The following FARP1 variants were observed in gnomAD, a reference collection of about 807,000 sequenced individuals.
FARP1 encodes the protein FERM, ARH/RhoGEF and pleckstrin domain protein 1, also known as FERM, ARHGEF and pleckstrin domain-containing protein 1.
FARP1 carries 52 observed loss-of-function variants against 128.8 expected under a neutral mutation model. That is an observed-to-expected ratio of 0.40 (90% confidence interval 0.32 to 0.51). The LOEUF (loss-of-function observed/expected upper bound fraction) is 0.51, where lower values mean the gene tolerates loss of function less well. Ranked by LOEUF, FARP1 falls within the 20% of genes least tolerant of loss-of-function variation. The probability of loss-of-function intolerance (pLI) is 0.45; values close to 1 mark genes in which losing one functional copy is unlikely to be tolerated. For synonymous variants in FARP1, 580 were observed against 551.8 expected (o/e 1.05, Z -0.72); for missense variants, 1,333 against 1,367.9 (o/e 0.97, Z 0.40).
chr13:98,142,683 G>C (rs1875115393), upstream of FARP1: 2 of 152,398 alleles, frequency 1.3e-5, no homozygotes, highest in Admixed American at 1.3e-4. Context: ...AGCAGCCCCA[G>C]GCAGGACCTC....
chr13:98,342,321 C>CAAA (rs1383519312), intron 2 of FARP1, among the ~76,000 whole-genome samples: 2 of 152,194 alleles, frequency 1.3e-5, no homozygotes, highest in Non-Finnish European at 2.9e-5. Flanking sequence ...TCATAATTGT[C>CAAA]AAAACTAGAA....
At chr13:98,207,152 T>G (rs1460781134) in intron 1 of FARP1, among the ~76,000 whole-genome samples, 1 of 152,172 alleles carries the variant, frequency 6.6e-6, no homozygotes, top group Non-Finnish European at 1.5e-5. Flanking sequence ...ATGATTGAAT[T>G]AAACAGACTT....
chr13:98,445,184 C>G (rs1359542610), intron 24 of FARP1: 1 of 152,282 alleles, frequency 6.6e-6, no homozygotes, highest in Non-Finnish European at 1.5e-5. Flanking sequence ...ATGAGGCAGA[C>G]TCGGAGGTCT....
intron 1 of FARP1, among the ~76,000 whole-genome samples, chr13:98,171,917 C>T (rs1005456998): frequency 2.0e-5 from 3 of 152,180 alleles, no homozygotes; most frequent in Non-Finnish European, 4.4e-5. Flanking sequence ...ATCTCATTTT[C>T]TTCCCTATCA....
chr13:98,288,780 C>T (rs138463304), intron 2 of FARP1, among the ~76,000 whole-genome samples: 8 of 152,276 alleles, frequency 5.3e-5, no homozygotes, highest in African/African-American at 1.7e-4. Context: ...GCTGGATATC[C>T]AGTGAATGAG....
chr13:98,184,761 G>A (rs1878750965), intron 1 of FARP1, among the ~76,000 whole-genome samples: 1 of 152,148 alleles, frequency 6.6e-6, no homozygotes, highest in Non-Finnish European at 1.5e-5. Context: ...TTTTTAAAAA[G>A]ATTGTTTCTA....
intron 2 of FARP1, among the ~76,000 whole-genome samples, chr13:98,343,503 G>A (rs1436729151): frequency 1.3e-5 from 2 of 152,204 alleles, no homozygotes; most frequent in Admixed American, 1.3e-4. Context: ...TCGATTAATT[G>A]AATAAGGTGG....
At chr13:98,284,304 G>T (rs571330631) in intron 2 of FARP1, among the ~76,000 whole-genome samples, 1 of 152,004 alleles carries the variant, frequency 6.6e-6, no homozygotes, top group Non-Finnish European at 1.5e-5. Flanking sequence ...TCAACACTTG[G>T]ATAACCAATG....
intron 2 of FARP1, among the ~76,000 whole-genome samples, chr13:98,296,406 C>T (rs1427823553): frequency 1.3e-5 from 2 of 152,132 alleles, no homozygotes; most frequent in Non-Finnish European, 2.9e-5. Flanking sequence ...AAATGACTTT[C>T]CCTGTAAAAA....
chr13:98,347,416 C>T (rs1340549724), intron 3 of FARP1, among the ~76,000 whole-genome samples: 1 of 152,136 alleles, frequency 6.6e-6, no homozygotes, highest in Non-Finnish European at 1.5e-5. Context: ...TCCCCAGTTC[C>T]CCTTCCCCAG....
intron 2 of FARP1, among the ~76,000 whole-genome samples, chr13:98,256,955 A>ATATATATATATATATG (rs1883635514): frequency 1.4e-5 from 1 of 68,990 alleles, no homozygotes; most frequent in Non-Finnish European, 2.6e-5. Flanking sequence ...GTGGATATAT[A>ATATATATATATATATG]TATATATATA....
intron 1 of FARP1, among the ~76,000 whole-genome samples, chr13:98,172,586 C>G (rs1877730143): frequency 6.6e-6 from 1 of 152,172 alleles, no homozygotes; most frequent in African/African-American, 2.4e-5. Context: ...AGCCCTTAAC[C>G]TGCCCGCTTC....
At chr13:98,448,172 C>A in intron 26 of FARP1, 64 bp from the exon 27 acceptor site, 1 of 1,361,404 alleles carries the variant, frequency 7.3e-7, no homozygotes, top group Non-Finnish European at 1.1e-6. Flanking sequence ...GTAAGCGATG[C>A]CCACCAAAGT....
At chr13:98,444,907 T>A (rs1324295152) in intron 24 of FARP1, among the ~76,000 whole-genome samples, 2 of 152,228 alleles carry the variant, frequency 1.3e-5, no homozygotes, top group Admixed American at 1.3e-4. Flanking sequence ...CACCAGGACC[T>A]TCTGGGAACC....
intron 5 of FARP1, among the ~76,000 whole-genome samples, chr13:98,372,233 C>T (rs571421485): frequency 7.9e-5 from 12 of 152,098 alleles, no homozygotes; most frequent in African/African-American, 2.2e-4. Context: ...ACTACAGGCA[C>T]GTGCCACCAC....
At chr13:98,272,231 T>C (rs1236381294) in intron 2 of FARP1, among the ~76,000 whole-genome samples, 1 of 152,130 alleles carries the variant, frequency 6.6e-6, no homozygotes, top group African/African-American at 2.4e-5. Flanking sequence ...AGTTTCACCA[T>C]GTTGGCCAGG....
In FARP1 at chr13:98,204,433, T is replaced by C. The variant is rs559985885; in HGVS notation, c.-23-8787T>C. ...AGTGCCTCTCACCATTTCTACTCCTTTCCCTGCCAGTTTTTTAGCTGCATT... is the reference window on the plus strand; with the variant it reads ...AGTGCCTCTCACCATTTCTACTCCTCTCCCTGCCAGTTTTTTAGCTGCATT... On this transcript the variant is annotated intron_variant, in intron 1 of 26. Coordinates refer to ENST00000319562, the MANE Select transcript of FARP1 (RefSeq NM_005766.4). Among the ~76,000 whole-genome samples the C allele has an allele frequency of 9.2e-5, 14 of 152,362 alleles. 1 individual carries two copies. In the South Asian group the frequency reaches 2.7e-3, roughly 29 times the overall value.
chr13:98,340,332 G>A (rs887039933), intron 2 of FARP1, among the ~76,000 whole-genome samples: 2 of 152,060 alleles, frequency 1.3e-5, no homozygotes, highest in African/African-American at 2.4e-5. Flanking sequence ...TACAGTATGG[G>A]AATTCTTCCA....
At chr13:98,191,798 C>T (rs566542298) in intron 1 of FARP1, among the ~76,000 whole-genome samples, 2 of 152,258 alleles carry the variant, frequency 1.3e-5, no homozygotes, top group South Asian at 4.1e-4. Flanking sequence ...CAAAAGTTAG[C>T]TGGGTGTGGT....
Sources: gnomAD v4.1 joint callset for allele counts (sites outside exome capture counted in the v4.1 genomes callset) on GRCh38, gnomAD v4.1.1 for gene constraint, MANE v1.5 for transcripts, NCBI Gene and HGNC (gene_info 2026-07-23, HGNC 2026-07-21) for gene names.